The following HOXA3 variants were observed in gnomAD, a reference collection of about 807,000 sequenced individuals.
HOXA3 encodes the protein homeobox A3.
In HOXA3, 8 loss-of-function variants were observed where a neutral mutation model predicts 30.3. The observed-to-expected ratio is 0.26, with a 90% confidence interval of 0.15 to 0.48. The LOEUF (loss-of-function observed/expected upper bound fraction) is 0.48, where lower values mean the gene tolerates loss of function less well. Among genes scored for constraint, HOXA3 ranks in the 20% least tolerant of loss-of-function variants. The pLI, the probability that HOXA3 is intolerant of heterozygous loss-of-function variation, is 0.99. For synonymous variants in HOXA3, 323 were observed against 273.1 expected, an observed-to-expected ratio of 1.18 and a Z score of -1.80; for missense variants, 653 against 614.4, an observed-to-expected ratio of 1.06 and a Z score of -0.66.
chr7:27,132,223 T>C (rs1277448869), intron 2 of HOXA3, among the ~76,000 whole-genome samples: 1 of 152,246 alleles, frequency 6.6e-6, no homozygotes, highest in African/African-American at 2.4e-5. Flanking sequence ...ATTTTTCAGC[T>C]GGTGCACCTT....
chr7:27,122,916 C>G (rs3213847), intron 3 of HOXA3: 70,768 of 123,592 alleles, frequency 0.57, 17,216 homozygotes, highest in Middle Eastern at 0.63. Context: ...TTTTTTTTGG[C>G]GGGGGAGTGG....
chr7:27,114,194 C>A (rs1784548364), intron 4 of HOXA3, among the ~76,000 whole-genome samples: 2 of 151,866 alleles, frequency 1.3e-5, no homozygotes, highest in South Asian at 4.2e-4. Context: ...CCCCCCACCC[C>A]CCAACGCCCT....
chr7:27,108,185 G>A lies in HOXA3; in HGVS notation c.1062C>T (p.Ser354=), dbSNP rs199873300. The A allele has an allele frequency of 5.2e-5, 81 of 1,550,042 alleles. 1 individual carries two copies. In the East Asian group the frequency reaches 1.8e-3, roughly 34 times the overall value. ...TTCCCTGTATGTGTGGGGTCCCATA[G>A]CTGCCGTTGCCCTGCAGGCCATGAG... ...PHAHGLQGNG[S]YGTPHIQGSP... Residue 354 remains serine, a synonymous_variant, in exon 6 of 6, where the codon AGC becomes AGT. Coordinates refer to ENST00000612286, the MANE Select transcript of HOXA3 (RefSeq NM_153631.3). This position sits in a 1 kb window ranked among gnomAD's most constrained non-coding sequence, Gnocchi z 5.0.
intron 4 of HOXA3, among the ~76,000 whole-genome samples, chr7:27,118,760 G>C (rs1784862688): frequency 6.6e-6 from 1 of 152,196 alleles, no homozygotes; most frequent in Non-Finnish European, 1.5e-5. Context: ...TGGCCCACAG[G>C]CCAGTATATC....
intron 4 of HOXA3, among the ~76,000 whole-genome samples, chr7:27,117,452 C>G (rs1784782836): frequency 6.6e-6 from 1 of 152,164 alleles, no homozygotes; most frequent in Non-Finnish European, 1.5e-5. Flanking sequence ...CCAAGGCTCT[C>G]CTAGGTCTGA....
At chr7:27,143,905 C>A (rs1397212721) in intron 1 of HOXA3, among the ~76,000 whole-genome samples, 2 of 152,200 alleles carry the variant, frequency 1.3e-5, no homozygotes, top group Non-Finnish European at 2.9e-5. Context: ...GCCGTTCAGC[C>A]GGACTCGAGC....
At chr7:27,110,822 G>T in intron 4 of HOXA3, 62 bp from the exon 5 acceptor site, 1 of 802,580 alleles carries the variant, frequency 1.2e-6, no homozygotes, top group Non-Finnish European at 1.9e-6. Context: ...ACTCTCAATA[G>T]CTAAGTGACA....
chr7:27,110,412 C>T lies in HOXA3; in HGVS notation c.229G>A (p.Ala77Thr), dbSNP rs1196439232. ...AGGCTTGGAGGCTGGCTAGGTGGGG[C>T]GCTCAGGGTGCGCAGGCACGCCTCA... ...LSEACLRTLS[A>T]PPSQPPSLGE... The change falls in exon 5 of 6, where the codon GCC becomes ACC. Residue 77 changes from alanine to threonine, a missense_variant. By Grantham distance (58) the Ala-to-Thr change is moderately conservative (BLOSUM62 0). Coordinates refer to ENST00000612286, the MANE Select transcript of HOXA3 (RefSeq NM_153631.3). 1 of 1,538,462 alleles carries T rather than the reference C, an allele frequency of 6.5e-7. No individual in the cohort carries two copies. The highest frequency in any genetic ancestry group is 8.7e-7 in the Non-Finnish European group (1 of 1,144,988).
chr7:27,129,770 G>A (rs1241432203), intron 2 of HOXA3, among the ~76,000 whole-genome samples: 3 of 152,202 alleles, frequency 2.0e-5, no homozygotes, highest in Non-Finnish European at 2.9e-5. Context: ...AAACACCCGA[G>A]AGCCATAAAG....
At position 27,108,039 on chromosome 7, in the gene HOXA3, G is replaced by T; in HGVS notation, c.1208C>A (p.Pro403Gln). The change falls in exon 6 of 6, where the codon CCG becomes CAG. Residue 403 changes from proline (P) to glutamine (Q), a missense_variant. Physicochemically the swap from Pro to Gln is moderately conservative, Grantham distance 76 (BLOSUM62 -1). Coordinates refer to ENST00000612286, the MANE Select transcript of HOXA3 (RefSeq NM_153631.3). The surrounding 1 kb of genome is among the most constrained non-coding windows in gnomAD (Gnocchi z 5.0). ...SGAMDYGGAGPLGSGHHHGPG... is the reference protein window; with the variant it reads ...SGAMDYGGAGQLGSGHHHGPG... ...CCCGTGGTGGTGGCCGCTGCCCAGC[G>T]GCCCGGCACCCCCATAGTCCATGGC... 2 of 1,612,962 alleles carry T rather than the reference G, an allele frequency of 1.2e-6. No individual in the cohort carries two copies. The highest frequency in any genetic ancestry group is 1.3e-5 in the African/African-American group (1 of 75,004).
At chr7:27,150,573 G>C (rs962031527) in intron 1 of HOXA3, 3 of 152,684 alleles carry the variant, frequency 2.0e-5, no homozygotes, top group African/African-American at 4.8e-5. Flanking sequence ...ATCCTCCTCA[G>C]AGCAGCCAGG....
At chr7:27,121,937 CAT>C (rs1476851590) in intron 4 of HOXA3, 1 of 152,988 alleles carries the variant, frequency 6.5e-6, no homozygotes, top group Non-Finnish European at 1.5e-5. Context: ...AACGCCAAGA[CAT>C]AGAAAACCAC....
intron 1 of HOXA3, chr7:27,142,636 A>C: frequency 5.0e-6 from 1 of 198,398 alleles, no homozygotes. Context: ...CGGGGGCTGT[A>C]ATTAGTAACG....
chr7:27,146,571 T>A (rs184571487), intron 1 of HOXA3, among the ~76,000 whole-genome samples: 1 of 152,012 alleles, frequency 6.6e-6, no homozygotes, highest in Non-Finnish European at 1.5e-5. Flanking sequence ...CCCTGTGGAG[T>A]CCTTGGAAAC....
At position 27,108,591 on chromosome 7, in the gene HOXA3, G is replaced by A. The variant is rs1381290384; in HGVS notation, c.656C>T (p.Pro219Leu). The stretch of plus-strand genomic sequence containing the variant: ...CAGATTGGCCATCTCCACCCGGCGC[G>A]GCCGGCACAGGTAGCGGTTGAAGTG... Reference protein sequence around the residue: ...EFHFNRYLCRPRRVEMANLLN... With the variant: ...EFHFNRYLCRLRRVEMANLLN... Residue 219 changes from proline to leucine, a missense_variant, in exon 6 of 6, where the codon CCG (proline) becomes CTG (leucine). By Grantham distance (98) the Pro-to-Leu change is moderately conservative. Around this residue, in one of 3 missense-constraint regions of HOXA3, gnomAD observed 320 missense variants for 321.9 expected, o/e 0.99. Coordinates refer to ENST00000612286, the MANE Select transcript of HOXA3 (RefSeq NM_153631.3). The surrounding 1 kb of genome is among the most constrained non-coding windows in gnomAD (Gnocchi z 5.0). 1 of 1,614,050 alleles carries A rather than the reference G, an allele frequency of 6.2e-7. No individual in the cohort carries two copies. Among genetic ancestry groups the A allele is most frequent in the African/African-American group, 1.3e-5 (1 of 74,928 alleles).
At position 27,107,985 on chromosome 7, in the gene HOXA3, T is replaced by A; in HGVS notation, c.1262A>T (p.Tyr421Phe). 1.2e-6 allele frequency: 2 copies of A among 1,611,134 alleles called. No homozygotes were observed. Among genetic ancestry groups the A allele is most frequent in the Non-Finnish European group, 1.7e-6 (2 of 1,178,146 alleles). The change falls in exon 6 of 6, where the codon TAC (tyrosine) becomes TTC (phenylalanine). Residue 421 changes from tyrosine (Y) to phenylalanine (F), a missense_variant. By Grantham distance (22) the Tyr-to-Phe change is conservative. Transcript: ENST00000612286. ...AGGATGGTGGCCGGTAAGGTCCGTGTAGGTGGGGTGCGGCTCCCCAGGCCC... is the reference window on the plus strand; with the variant it reads ...AGGATGGTGGCCGGTAAGGTCCGTGAAGGTGGGGTGCGGCTCCCCAGGCCC... ...GPGPGEPHPT[Y>F]TDLTGHHPSQ...
In HOXA3 at chr7:27,107,955, T is replaced by A. The variant is rs1478285275; in HGVS notation, c.1292A>T (p.Gln431Leu). ...CTTGGGTGCTTCCTGAATTCTTCCC[T>A]GAGAAGGATGGTGGCCGGTAAGGTC... ...YTDLTGHHPS[Q>L]GRIQEAPKLT... Residue 431 changes from glutamine (Q) to leucine (L), a missense_variant, in exon 6 of 6, where the codon CAG (glutamine) becomes CTG (leucine). Physicochemically the swap from Gln to Leu is moderately radical, Grantham distance 113 (BLOSUM62 -2). Around this residue, in one of 3 missense-constraint regions of HOXA3, gnomAD observed 330 missense variants for 274.4 expected, o/e 1.20. Coordinates refer to ENST00000612286, the MANE Select transcript of HOXA3 (RefSeq NM_153631.3). 5.0e-6 allele frequency: 8 copies of A among 1,593,340 alleles called. No homozygotes were observed. The highest frequency in any genetic ancestry group is 6.9e-6 in the Non-Finnish European group (8 of 1,164,844).
intron 2 of HOXA3, among the ~76,000 whole-genome samples, chr7:27,135,271 C>G (rs1000820675): frequency 2.0e-5 from 3 of 151,716 alleles, no homozygotes; most frequent in African/African-American, 7.3e-5. Context: ...TACAGAGTAG[C>G]CTGTTATTTG....
chr7:27,129,670 G>T, intron 2 of HOXA3: 10 of 1,284,512 alleles, frequency 7.8e-6, no homozygotes, highest in Non-Finnish European at 1.1e-5. Flanking sequence ...AGAGCAATTG[G>T]ACATCATCAT....
Sources: gnomAD v4.1 joint callset for allele counts (sites outside exome capture counted in the v4.1 genomes callset) on GRCh38, gnomAD v4.1.1 for gene constraint, gnomAD v4.1.1 regional missense constraint, Gnocchi (gnomAD v3.1) non-coding constraint, MANE v1.5 for transcripts, NCBI Gene and HGNC (gene_info 2026-07-23, HGNC 2026-07-21) for gene names.